C1QTNF6: variants seen among roughly 807,000 people sequenced by gnomAD.
C1QTNF6 encodes the protein complement C1q tumor necrosis factor-related protein 6.
In C1QTNF6, 17 loss-of-function variants were observed where a neutral mutation model predicts 20.7. That is an observed-to-expected ratio of 0.82 (90% confidence interval 0.56 to 1.23). The LOEUF (loss-of-function observed/expected upper bound fraction) is 1.23. Ranked by LOEUF, C1QTNF6 falls within the 50% of genes most tolerant of loss-of-function variation. The pLI, the probability that C1QTNF6 is intolerant of heterozygous loss-of-function variation, is 0.00. For synonymous variants in C1QTNF6, 130 were observed against 156.3 expected (o/e 0.83, Z 1.25); for missense variants, 329 against 389.7 (o/e 0.84, Z 1.31).
chr22:37,187,153 G>C (rs1011712761), intron 1 of C1QTNF6, among the ~76,000 whole-genome samples: 2 of 152,142 alleles, frequency 1.3e-5, no homozygotes, highest in African/African-American at 4.8e-5. Context: ...TGGACAGGAA[G>C]TCTCCAGAGC....
At chr22:37,193,753 G>A (rs1030715784) in intron 2 of C1QTNF6, among the ~76,000 whole-genome samples, 1 of 152,212 alleles carries the variant, frequency 6.6e-6, no homozygotes, top group Non-Finnish European at 1.5e-5. Context: ...CAGTTTTTAC[G>A]AGATCTAGAA....
At chr22:37,190,186 C>T (rs187029533), upstream of C1QTNF6, among the ~76,000 whole-genome samples, 2 of 152,308 alleles carry the variant, frequency 1.3e-5, no homozygotes, top group East Asian at 1.9e-4. Flanking sequence ...TTTTCTCTCT[C>T]CAGTCTCCCA....
chr22:37,184,994 C>A lies in C1QTNF6; in HGVS notation c.289+224G>T, dbSNP rs982514543. ...ACTTAGGTGATGTGTGCCTTGCTCACAGCCCATCTCCCCACCGAGAACGGG... is the reference window on the plus strand; with the variant it reads ...ACTTAGGTGATGTGTGCCTTGCTCAAAGCCCATCTCCCCACCGAGAACGGG... On this transcript the variant is annotated intron_variant, in intron 2 of 2. Transcript: ENST00000337843. This position sits in a 1 kb window ranked among gnomAD's most constrained non-coding sequence, Gnocchi z 4.0. Among the ~76,000 whole-genome samples the A allele has an allele frequency of 1.3e-5, 2 of 151,108 alleles. No homozygotes were observed. The highest frequency in any genetic ancestry group is 4.9e-5 in the African/African-American group (2 of 41,050).
intron 2 of C1QTNF6, among the ~76,000 whole-genome samples, chr22:37,193,927 G>A (rs140782950): frequency 1.3e-5 from 2 of 152,310 alleles, no homozygotes; most frequent in African/African-American, 4.8e-5. Context: ...AAGAGACAAA[G>A]CCTTAGCTAC....
intron 2 of C1QTNF6, among the ~76,000 whole-genome samples, chr22:37,194,405 C>G (rs1925013240): frequency 6.6e-6 from 1 of 152,176 alleles, no homozygotes; most frequent in Admixed American, 6.5e-5. Context: ...GAGAGACAAA[C>G]AGTGATTTTT....
At chr22:37,185,673 A>T in intron 1 of C1QTNF6, 2 of 1,256,650 alleles carry the variant, frequency 1.6e-6, no homozygotes, top group Non-Finnish European at 2.0e-6. Flanking sequence ...CAGGGCCTGC[A>T]TGCTGAGTCT....
chr22:37,195,397 G>A (rs540792499), exon 2 of C1QTNF6: 2 of 152,226 alleles, frequency 1.3e-5, no homozygotes, highest in East Asian at 3.9e-4. Flanking sequence ...TCAGCCAATT[G>A]GGGCTGTAGT....
chr22:37,192,784 A>G (rs1924898086), upstream of C1QTNF6, among the ~76,000 whole-genome samples: 1 of 152,236 alleles, frequency 6.6e-6, no homozygotes, highest in African/African-American at 2.4e-5. Flanking sequence ...CACAACATAT[A>G]TAAATACACA....
At position 37,185,318 on chromosome 22, in the gene C1QTNF6, C is replaced by G. The variant is rs1924210828; in HGVS notation, c.189G>C (p.Glu63Asp). 5.6e-6 allele frequency: 9 copies of G among 1,613,526 alleles called. No homozygotes were observed. The East Asian group carries it at 2.0e-4, about 36-fold the overall frequency. Residue 63 changes from glutamate to aspartate, a missense_variant, in exon 2 of 3, where the codon GAG (glutamate) becomes GAC (aspartate). Physicochemically the swap from Glu to Asp is conservative, Grantham distance 45. Transcript: ENST00000337843. ...ASGCQRCCDSEDPLDPAHVSS... is the reference protein window; with the variant it reads ...ASGCQRCCDSDDPLDPAHVSS... ...ATACATGGGCAGGATCCAGGGGGTC[C>G]TCAGAGTCACAGCACCGTTGGCAGC...
chr22:37,195,424 G>A (rs1014342704), exon 2 of C1QTNF6: 2 of 152,162 alleles, frequency 1.3e-5, no homozygotes, highest in African/African-American at 2.4e-5. Context: ...CCTTTGGGTT[G>A]AGGGTGTTTT....
intron 2 of C1QTNF6, among the ~76,000 whole-genome samples, chr22:37,194,273 T>C (rs1925004583): frequency 6.6e-6 from 1 of 152,202 alleles, no homozygotes; most frequent in Non-Finnish European, 1.5e-5. Context: ...TATCCTATAG[T>C]ACCTCTTTTT....
chr22:37,184,513 C>T lies in C1QTNF6; in HGVS notation c.289+705G>A, dbSNP rs1394812278. 7.0e-6 allele frequency: 5 copies of T among 710,622 alleles called. No homozygotes were observed. Among genetic ancestry groups the T allele is most frequent in the Non-Finnish European group, 1.3e-5 (5 of 383,098 alleles). The allele number at this position is 710,622 out of a possible 1,614,324, so 44.0% of individuals were successfully genotyped here. A position where few individuals can be genotyped will look rare whatever the true frequency, so the allele number is the denominator to read the frequency against. ...TGCCTTTCACCTGGACGGGCCCTCA[C>T]CTGGACAGCCCTCACCTGGACAGCC... On this transcript the variant is annotated intron_variant, in intron 2 of 2. Coordinates refer to ENST00000337843, the MANE Select transcript of C1QTNF6 (RefSeq NM_031910.4). The surrounding 1 kb of genome is among the most constrained non-coding windows in gnomAD (Gnocchi z 4.0).
intron 2 of C1QTNF6, 84 bp downstream of exon 2, chr22:37,185,134 G>C (rs1333035188): frequency 6.8e-7 from 1 of 1,478,322 alleles, no homozygotes; most frequent in African/African-American, 1.4e-5. Flanking sequence ...AGTCTGGACA[G>C]GTTTCCGCCC....
At chr22:37,189,544 C>T (rs188783302), upstream of C1QTNF6, among the ~76,000 whole-genome samples, 4 of 152,270 alleles carry the variant, frequency 2.6e-5, no homozygotes, top group East Asian at 7.7e-4. Context: ...CATGAAGATC[C>T]ATCTTCTGTA....
rs759500780 is a variant in C1QTNF6, at chr22:37,182,449, G to A, written c.576C>T (p.Phe192=). 6.2e-7 allele frequency: 1 copy of A among 1,614,288 alleles called. No individual in the cohort carries two copies. Among genetic ancestry groups the A allele is most frequent in the Non-Finnish European group, 8.5e-7 (1 of 1,180,052 alleles). ...TCCAGCTGTGCACATTGAGGCTGAA[G>A]AAGTAGATGCCACGCAGGGGAGCAG... ...QFAAPLRGIY[F]FSLNVHSWNY... Residue 192 remains phenylalanine, a synonymous_variant, in exon 3 of 3, where the codon TTC becomes TTT. Transcript: ENST00000337843.
At chr22:37,198,913 G>T (rs186107384), upstream of C1QTNF6, among the ~76,000 whole-genome samples, 1 of 152,086 alleles carries the variant, frequency 6.6e-6, no homozygotes, top group East Asian at 1.9e-4. Context: ...TTCGCTCTCC[G>T]GAACCAGGTT....
chr22:37,188,309 G>GAGAGAGGAGGGGATGGAGGT, upstream of C1QTNF6: 1 of 1,137,468 alleles, frequency 8.8e-7, no homozygotes, highest in Non-Finnish European at 1.2e-6. Context: ...GGGATGGAGG[G>GAGAGAGGAGGGGATGGAGGT]AGAGAGGGCG....
At chr22:37,197,245 C>T (rs1925190666) in intron 1 of C1QTNF6, 2 of 152,278 alleles carry the variant, frequency 1.3e-5, no homozygotes, top group African/African-American at 4.8e-5. Flanking sequence ...GGCCCTGCCC[C>T]AGGCAGCATT....
intron 2 of C1QTNF6, among the ~76,000 whole-genome samples, chr22:37,183,267 C>T (rs1007647256): frequency 1.3e-5 from 2 of 152,246 alleles, no homozygotes; most frequent in African/African-American, 2.4e-5. Flanking sequence ...GGGCACTCCA[C>T]GGCTGGGGTC....
Sources: allele counts gnomAD v4.1 joint callset (sites outside exome capture counted in the v4.1 genomes callset), GRCh38; gene constraint gnomAD v4.1.1; non-coding constraint Gnocchi (gnomAD v3.1); transcripts MANE v1.5; gene names NCBI Gene and HGNC (gene_info 2026-07-23, HGNC 2026-07-21).